The following HRNR variants were observed in gnomAD, a reference collection of about 807,000 sequenced individuals.
HRNR encodes the protein filaggrin family member 3.
In HRNR, 7 loss-of-function variants were observed where a neutral mutation model predicts 4.8. The observed-to-expected ratio is 1.47, with a 90% CI of 0.83 to 2.75. HRNR has a LOEUF of 2.75. HRNR is among the 30% of genes most tolerant of loss of function. HRNR has a pLI of 0.00. For missense variants in HRNR, 2,879 were observed against 3,010.4 expected (o/e 0.96, Z 1.02); for synonymous variants, 1,023 against 1,242.7 (o/e 0.82, Z 3.72).
rs758697738 is a variant in HRNR at position 152,219,361 on chromosome 1, C to T, written c.2268G>A (p.Gly756=). ...SGLSSSYGQH[G]SGSHQSSGHG... ...GGCCCGAAGATTGATGGGAGCCCGACCCATGCTGACCATAGCTGGAAGACA... is the reference window on the plus strand; with the variant it reads ...GGCCCGAAGATTGATGGGAGCCCGATCCATGCTGACCATAGCTGGAAGACA... Residue 756 remains glycine, a synonymous_variant, in exon 3 of 3, where the codon GGG becomes GGA. Coordinates refer to ENST00000368801, the MANE Select transcript of HRNR (RefSeq NM_001009931.3). 6.2e-7 allele frequency: 1 copy of T among 1,613,616 alleles called. No individual in the cohort carries two copies. Among genetic ancestry groups the T allele is most frequent in the East Asian group, 2.2e-5 (1 of 44,796 alleles).
At position 152,218,940 on chromosome 1, in the gene HRNR, C is replaced by A; in HGVS notation, c.2689G>T (p.Gly897Trp). Reference protein sequence around the residue: ...SGQSPGHGQRGSGSGQSPSYG... With the variant: ...SGQSPGHGQRWSGSGQSPSYG... ...CTGGGAGACTGCCCTGACCCAGACC[C>A]ACGCTGGCCGTGGCCTGGAGACTGG... The change falls in exon 3 of 3, where the codon GGG becomes TGG. Residue 897 changes from glycine to tryptophan, a missense_variant. Physicochemically the swap from Gly to Trp is radical, Grantham distance 184. Transcript: ENST00000368801. The A allele has an allele frequency of 1.9e-6, 3 of 1,613,782 alleles. No individual in the cohort carries two copies. Among genetic ancestry groups the A allele is most frequent in the Non-Finnish European group, 2.5e-6 (3 of 1,179,920 alleles).
In HRNR at chr1:152,218,933, C is replaced by T. The variant is rs747192613; in HGVS notation, c.2696G>A (p.Gly899Glu). 6 of 1,613,724 alleles carry T rather than the reference C, an allele frequency of 3.7e-6. No homozygotes were observed. The highest frequency in any genetic ancestry group is 1.3e-5 in the African/African-American group (1 of 74,830). The change falls in exon 3 of 3, where the codon GGG (glycine) becomes GAG (glutamate). Residue 899 changes from glycine (G) to glutamate (E), a missense_variant. Gly to Glu is a moderately conservative substitution (Grantham distance 98, BLOSUM62 -2). Transcript: ENST00000368801. ...QSPGHGQRGS[G>E]SGQSPSYGRH... The stretch of plus-strand genomic sequence containing the variant: ...GCCATAGCTGGGAGACTGCCCTGAC[C>T]CAGACCCACGCTGGCCGTGGCCTGG...
intron 1 of HRNR, 144 bp downstream of exon 1, chr1:152,223,999 G>A (rs1488873500): frequency 2.0e-5 from 3 of 152,106 alleles, no homozygotes; most frequent in Non-Finnish European, 4.4e-5. Context: ...TTTCTTTTCA[G>A]TAAATTTAAA....
rs778326178 is a variant in HRNR at position 152,219,545 on chromosome 1, G to T, written c.2084C>A (p.Ser695Ter). 6.8e-6 allele frequency: 11 copies of T among 1,613,652 alleles called. No homozygotes were observed. Among genetic ancestry groups the T allele is most frequent in the Non-Finnish European group, 4.2e-6 (5 of 1,179,982 alleles). ...GTGACCAAAGCCGGAAGACTGGCCT[G>T]AGACAGACCCATGTGGGCCATTGCT... ...SSSNGPHGSV[S>*]GQSSGFGHKS... The change falls in exon 3 of 3, where the codon TCA becomes TAA. Residue 695 changes from serine (S) to a stop codon, truncating the protein, a stop_gained. Transcript: ENST00000368801. LOFTEE classifies it low-confidence loss of function (END_TRUNC).
In HRNR at chr1:152,221,419, A is replaced by G; in HGVS notation, c.210T>C (p.Asp70=). The G allele has an allele frequency of 6.2e-7, 1 of 1,613,470 alleles. No individual in the cohort carries two copies. Among genetic ancestry groups the G allele is most frequent in the Non-Finnish European group, 8.5e-7 (1 of 1,179,746 alleles). Residue 70 remains aspartate (D), a synonymous_variant, in exon 3 of 3, where the codon GAT becomes GAC. Transcript: ENST00000368801. ...ATATCATCAGAAGATACTCAGTAAAATCCACTTTCTTGTTATGGTCTCGAT... is the reference window on the plus strand; with the variant it reads ...ATATCATCAGAAGATACTCAGTAAAGTCCACTTTCTTGTTATGGTCTCGAT... ...SLDRDHNKKV[D]FTEYLLMIFK...
chr1:152,221,519 C>A, intron 2 of HRNR, 29 bp from the exon 3 acceptor site: 1 of 1,506,602 alleles, frequency 6.6e-7, no homozygotes, highest in Non-Finnish European at 9.0e-7. Context: ...CAAAGAGTAG[C>A]TCTGTTAGTA....
At chr1:152,222,251 G>A (rs887340488) in intron 2 of HRNR, among the ~76,000 whole-genome samples, 5 of 152,180 alleles carry the variant, frequency 3.3e-5, no homozygotes, top group Non-Finnish European at 7.4e-5. Flanking sequence ...TAGATTTAGA[G>A]TTTGAAGAGT....
rs1009227633 is a variant in HRNR at position 152,221,237 on chromosome 1, C to T, written c.392G>A (p.Ser131Asn). Residue 131 changes from serine (S) to asparagine (N), a missense_variant, in exon 3 of 3, where the codon AGT (serine) becomes AAT (asparagine). Coordinates refer to ENST00000368801, the MANE Select transcript of HRNR (RefSeq NM_001009931.3). Reference sequence around the variant, plus strand: ...GGAATCATTCTCTCCTGCACTCCAACTTGAATGACTAAAAGAGGATTCTTG... The same window carrying T: ...GGAATCATTCTCTCCTGCACTCCAATTTGAATGACTAAAAGAGGATTCTTG... ...KRQESSFSHSSWSAGENDSYS... is the reference protein window; with the variant it reads ...KRQESSFSHSNWSAGENDSYS... 6.2e-7 allele frequency: 1 copy of T among 1,614,162 alleles called. No individual in the cohort carries two copies. The highest frequency in any genetic ancestry group is 8.5e-7 in the Non-Finnish European group (1 of 1,180,036).
Position 152,215,742 on chromosome 1 carries a change from T to C in HRNR, c.5887A>G (p.Ser1963Gly). The C allele has an allele frequency of 6.2e-7, 1 of 1,603,440 alleles. No individual in the cohort carries two copies. The highest frequency in any genetic ancestry group is 1.1e-5 in the South Asian group (1 of 90,076). ...GAGCCAGACCCATATGGGCCGTAGC[T>C]GGAAGACTGCCCAGAACCAGACCCA... ...RHGSGSGQSS[S>G]YGPYGSGSGW... The change falls in exon 3 of 3, where the codon AGC becomes GGC. Residue 1963 changes from serine (S) to glycine (G), a missense_variant. Transcript: ENST00000368801.
At position 152,223,267 on chromosome 1, in the gene HRNR, A is replaced by T. The variant is rs372266984; in HGVS notation, c.-14T>A. 1.2e-6 allele frequency: 2 copies of T among 1,606,342 alleles called. No individual in the cohort carries two copies. The highest frequency in any genetic ancestry group is 1.7e-6 in the Non-Finnish European group (2 of 1,176,538). The stretch of plus-strand genomic sequence containing the variant: ...GAGTTTAGGCATTTTTTTTTTTGCA[A>T]GTTTGAGTAACCTAAAGGGAGGAAA... On this transcript the variant is annotated 5_prime_UTR_variant, in exon 2 of 3. It adds an upstream start codon to the 5' untranslated region. Transcript: ENST00000368801.
At position 152,223,134 on chromosome 1, in the gene HRNR, C is replaced by T. The variant is rs771539734; in HGVS notation, c.120G>A (p.Glu40=). 6.2e-7 allele frequency: 1 copy of T among 1,613,698 alleles called. No homozygotes were observed. Among genetic ancestry groups the T allele is most frequent in the African/African-American group, 1.3e-5 (1 of 75,032 alleles). Reference sequence around the variant, plus strand: ...TTCTTACCTTCAGAATTTGATGAAACTCATTTTCCAGAAGTTCTTTCAGCT... The same window carrying T: ...TTCTTACCTTCAGAATTTGATGAAATTCATTTTCCAGAAGTTCTTTCAGCT... ...KAELKELLEN[E]FHQILKNPND... The change falls in exon 2 of 3, where the codon GAG becomes GAA. Residue 40 remains glutamate (E), a synonymous_variant. Transcript: ENST00000368801.
Position 152,218,952 on chromosome 1 carries a change from G to C in HRNR, c.2677C>G (p.His893Asp). ...CCTGACCCAGACCCACGCTGGCCGT[G>C]GCCTGGAGACTGGCCAGATCCAGAG... ...HGSGSGQSPG[H>D]GQRGSGSGQS... The change falls in exon 3 of 3, where the codon CAC becomes GAC. Residue 893 changes from histidine to aspartate, a missense_variant. By Grantham distance (81) the His-to-Asp change is moderately conservative. Around this residue, in one of 8 missense-constraint regions of HRNR, gnomAD observed 2,646 missense variants for 1,377.7 expected, o/e 1.92. Coordinates refer to ENST00000368801, the MANE Select transcript of HRNR (RefSeq NM_001009931.3). The C allele has an allele frequency of 6.2e-7, 1 of 1,613,888 alleles. No homozygotes were observed. Among genetic ancestry groups the C allele is most frequent in the Non-Finnish European group, 8.5e-7 (1 of 1,179,946 alleles).
Position 152,218,705 on chromosome 1 carries a change from G to T in HRNR, c.2924C>A (p.Ser975Tyr), listed in dbSNP as rs530836445. 2 of 1,614,010 alleles carry T rather than the reference G, an allele frequency of 1.2e-6. No individual in the cohort carries two copies. Among genetic ancestry groups the T allele is most frequent in the South Asian group, 1.1e-5 (1 of 91,060 alleles). Residue 975 changes from serine (S) to tyrosine (Y), a missense_variant, in exon 3 of 3, where the codon TCT (serine) becomes TAT (tyrosine). Around this residue, in one of 8 missense-constraint regions of HRNR, gnomAD observed 2,646 missense variants for 1,377.7 expected, o/e 1.92. Transcript: ENST00000368801. ...GQSSRSEQHG[S>Y]SSGSSSSYGQ... Reference sequence around the variant, plus strand: ...ATAGCTGGAAGACGAACCTGAGCTAGATCCATGTTGTTCGCTCCTAGATGA... The same window carrying T: ...ATAGCTGGAAGACGAACCTGAGCTATATCCATGTTGTTCGCTCCTAGATGA...
Position 152,220,419 on chromosome 1 carries a change from C to T in HRNR, c.1210G>A (p.Glu404Lys), listed in dbSNP as rs1223818789. The T allele has an allele frequency of 5.6e-6, 9 of 1,613,972 alleles. No homozygotes were observed. Among genetic ancestry groups the T allele is most frequent in the Middle Eastern group, 1.6e-4 (1 of 6,084 alleles). ...CCTGAAGAGTGACGGGAGGCAGACT[C>T]ATGCTGACCATAGCTGGAAGACTGA... The part of the protein sequence containing the change: ...SRQSSSYGQH[E>K]SASRHSSGRG... The change falls in exon 3 of 3, where the codon GAG becomes AAG. Residue 404 changes from glutamate to lysine, a missense_variant. Coordinates refer to ENST00000368801, the MANE Select transcript of HRNR (RefSeq NM_001009931.3).
rs1204610804 is a variant in HRNR, at chr1:152,220,844, G to C, written c.785C>G (p.Ser262Cys). 4 of 1,613,964 alleles carry C rather than the reference G, an allele frequency of 2.5e-6. No individual in the cohort carries two copies. The highest frequency in any genetic ancestry group is 3.3e-5 in the Admixed American group (2 of 60,022). Residue 262 changes from serine to cysteine, a missense_variant, in exon 3 of 3, where the codon TCT (serine) becomes TGT (cysteine). By Grantham distance (112) the Ser-to-Cys change is moderately radical. Coordinates refer to ENST00000368801, the MANE Select transcript of HRNR (RefSeq NM_001009931.3). ...ACCCCTAGATGACTGTCCTGACCTA[G>C]AGCCGTGTTGTCCGTAGCCAGAGGA... ...GHSSGYGQHG[S>C]RSGQSSRGER...
rs764220144 is a variant in HRNR, at chr1:152,213,244, G to A, written c.8385C>T (p.Ser2795=). Residue 2795 remains serine (S), a synonymous_variant, in exon 3 of 3, where the codon TCC becomes TCT. Transcript: ENST00000368801. The part of the protein sequence containing the change: ...YGQHGSGSGQ[S]SGYSQHGSGS... Reference sequence around the variant, plus strand: ...CACTTCCATGCTGACTATAACCAGAGGACTGTCCTGAGCCAGACCCATGTT... The same window carrying A: ...CACTTCCATGCTGACTATAACCAGAAGACTGTCCTGAGCCAGACCCATGTT... 1.1e-5 allele frequency: 18 copies of A among 1,612,530 alleles called. No homozygotes were observed. The highest frequency in any genetic ancestry group is 2.7e-5 in the African/African-American group (2 of 74,700).
chr1:152,221,375 C>T lies in HRNR; in HGVS notation c.254G>A (p.Arg85His), dbSNP rs11204937. 1,260,036 of 1,613,442 alleles carry T rather than the reference C, an allele frequency of 0.78. 505,131 individuals are homozygous for T. The highest frequency in any genetic ancestry group is 0.84 in the Non-Finnish European group (992,701 of 1,179,802). ...LLMIFKLVQARNKIIGKDYCQ... is the reference protein window; with the variant it reads ...LLMIFKLVQAHNKIIGKDYCQ... The stretch of plus-strand genomic sequence containing the variant: ...GTAATCTTTGCCAATGATTTTATTA[C>T]GAGCCTGAACCAGCTTGAATATCAT... Residue 85 changes from arginine (R) to histidine (H), a missense_variant, in exon 3 of 3, where the codon CGT (arginine) becomes CAT (histidine). Physicochemically the swap from Arg to His is conservative, Grantham distance 29. Around this residue, in one of 8 missense-constraint regions of HRNR, gnomAD observed 2,646 missense variants for 1,377.7 expected, o/e 1.92. Transcript: ENST00000368801.
chr1:152,219,939 C>G lies in HRNR; in HGVS notation c.1690G>C (p.Gly564Arg). The G allele has an allele frequency of 6.2e-7, 1 of 1,613,458 alleles. No individual in the cohort carries two copies. Among genetic ancestry groups the G allele is most frequent in the Non-Finnish European group, 8.5e-7 (1 of 1,179,630 alleles). ...CCACGGCTTGAAGACCTCCCTGAGC[C>G]ATACCCATGTGGGCCATAGCTGGAA... is the stretch of plus-strand genomic sequence containing the variant. ...QSSSYGPHGY[G>R]SGRSSSRGPY... The change falls in exon 3 of 3, where the codon GGC (glycine) becomes CGC (arginine). Residue 564 changes from glycine to arginine, a missense_variant. Gly to Arg is a moderately radical substitution (Grantham distance 125). Coordinates refer to ENST00000368801, the MANE Select transcript of HRNR (RefSeq NM_001009931.3).
rs541078571 is a variant in HRNR, at chr1:152,219,278, C to G, written c.2351G>C (p.Ser784Thr). The change falls in exon 3 of 3, where the codon AGT becomes ACT. Residue 784 changes from serine to threonine, a missense_variant. Transcript: ENST00000368801. Reference protein sequence around the residue: ...HSPSRVRHGSSSGHSSSHGQH... With the variant: ...HSPSRVRHGSTSGHSSSHGQH... ...GCCGTGGCTGGAGGAGTGCCCTGAA[C>G]TGGACCCATGTCGGACACGGCTAGG... The G allele has an allele frequency of 2.8e-5, 45 of 1,611,898 alleles. No individual in the cohort carries two copies. The highest frequency in any genetic ancestry group is 2.2e-4 in the African/African-American group (16 of 74,116).
Sources: gnomAD v4.1 joint callset for allele counts (sites outside exome capture counted in the v4.1 genomes callset) on GRCh38, gnomAD v4.1.1 for gene constraint, gnomAD v4.1.1 regional missense constraint, MANE v1.5 for transcripts, NCBI Gene and HGNC (gene_info 2026-07-23, HGNC 2026-07-21) for gene names.